PRKG1: variants seen among roughly 807,000 people sequenced by gnomAD.
The protein encoded by PRKG1 is cGMP-dependent protein kinase 1.
A neutral mutation model predicts 88.1 loss-of-function variants in PRKG1; 35 were observed. That is an observed-to-expected ratio of 0.40 (90% confidence interval 0.30 to 0.53). PRKG1 has a LOEUF of 0.53. PRKG1 is among the 20% of genes least tolerant of loss of function. The pLI, the probability that PRKG1 is intolerant of heterozygous loss-of-function variation, is 0.59. For synonymous variants in PRKG1, 303 were observed against 292.5 expected, an observed-to-expected ratio of 1.04 and a Z score of -0.37; for missense variants, 540 against 839.8, an observed-to-expected ratio of 0.64 and a Z score of 4.41.
At chr10:51,299,731 G>T in intron 2 of PRKG1, 1 of 395,812 alleles carries the variant, frequency 2.5e-6, no homozygotes, top group Non-Finnish European at 4.9e-6. Flanking sequence ...GTTTTTTCCT[G>T]GCCTCTCAAT....
chr10:51,457,303 A>T (rs759303218), intron 2 of PRKG1, among the ~76,000 whole-genome samples: 3 of 152,240 alleles, frequency 2.0e-5, no homozygotes, highest in Non-Finnish European at 4.4e-5. Context: ...GGAGACCATT[A>T]TTCTAAGTGA....
chr10:52,001,967 A>T (rs2133151103), intron 5 of PRKG1, among the ~76,000 whole-genome samples: 1 of 152,162 alleles, frequency 6.6e-6, no homozygotes, highest in East Asian at 1.9e-4. Flanking sequence ...GGAAAAAAGA[A>T]CAGCAACCAT....
intron 5 of PRKG1, among the ~76,000 whole-genome samples, chr10:51,918,047 C>G (rs1027096551): frequency 6.6e-6 from 1 of 152,162 alleles, no homozygotes; most frequent in Non-Finnish European, 1.5e-5. Context: ...AACTCTGTGC[C>G]AGGCTAAGGC....
Position 51,301,606 on chromosome 10 carries a change from A to T in PRKG1, c.478+148276A>T, listed in dbSNP as rs1383455145. Among the ~76,000 whole-genome samples, 7 of 152,334 alleles carry T rather than the reference A, an allele frequency of 4.6e-5. No homozygotes were observed. In the East Asian group the frequency reaches 1.2e-3, roughly 25 times the overall value. On this transcript the variant is annotated intron_variant, in intron 2 of 17. Transcript: ENST00000373980. ...CCATAGTAATCTATCCAAAAAAGAA[A>T]GACCAAAGGATTGGGAATAGGTCAG...
intron 3 of PRKG1, among the ~76,000 whole-genome samples, chr10:51,609,497 C>A (rs1293806134): frequency 5.3e-5 from 8 of 152,116 alleles, no homozygotes; most frequent in Non-Finnish European, 8.8e-5. Flanking sequence ...GGTATATACC[C>A]AAAGGAATAT....
Position 52,091,727 on chromosome 10 carries a change from T to C in PRKG1, c.935+29096T>C, listed in dbSNP as rs940185395. On this transcript the variant is annotated intron_variant, in intron 7 of 17. Transcript: ENST00000373980. ...TGTAGAGATTTAAATGTGAGAAAACTATATCAAAGCAGAAATGTTCTAAAG... is the reference window on the plus strand; with the variant it reads ...TGTAGAGATTTAAATGTGAGAAAACCATATCAAAGCAGAAATGTTCTAAAG... 2.6e-5 allele frequency among the ~76,000 whole-genome samples: 4 copies of C among 152,318 alleles called. No homozygotes were observed. In the East Asian group the frequency reaches 7.7e-4, roughly 29 times the overall value.
chr10:51,016,099 C>G (rs140322216), intron 1 of PRKG1, among the ~76,000 whole-genome samples: 1 of 152,144 alleles, frequency 6.6e-6, no homozygotes, highest in Non-Finnish European at 1.5e-5. Flanking sequence ...CCTTCTAGAA[C>G]GCAGTTTCAG....
At chr10:52,090,029 G>T (rs1201576928) in intron 7 of PRKG1, among the ~76,000 whole-genome samples, 1 of 151,762 alleles carries the variant, frequency 6.6e-6, no homozygotes, top group African/African-American at 2.4e-5. Flanking sequence ...TGGCCAGGAT[G>T]GTCTCGATCT....
intron 5 of PRKG1, among the ~76,000 whole-genome samples, chr10:52,028,311 G>T (rs546583185): frequency 6.6e-6 from 1 of 152,186 alleles, no homozygotes; most frequent in African/African-American, 2.4e-5. Flanking sequence ...ATCACTGCAC[G>T]CATTTTGAGG....
intron 2 of PRKG1, among the ~76,000 whole-genome samples, chr10:51,162,049 C>T (rs948666326): frequency 1.2e-4 from 18 of 152,300 alleles, no homozygotes; most frequent in Non-Finnish European, 2.5e-4. Context: ...TCTTCAGGGA[C>T]TTTAACATGA....
rs182987920 is a variant in PRKG1 at position 51,447,413 on chromosome 10, T to A, written c.479-20310T>A. ...AAGAACTATTAGCAAGATTTAGCAT[T>A]CTTGCGAGTTTAGCTCTGACCAGTC... is the stretch of plus-strand genomic sequence containing the variant. On this transcript the variant is annotated intron_variant, in intron 2 of 17. Transcript: ENST00000373980. 1.7e-3 allele frequency among the ~76,000 whole-genome samples: 260 copies of A among 152,154 alleles called. 1 individual carries two copies. Among genetic ancestry groups the A allele is most frequent in the African/African-American group, 5.9e-3 (247 of 41,530 alleles).
chr10:51,382,037 C>T (rs762982780), intron 2 of PRKG1, among the ~76,000 whole-genome samples: 7 of 151,902 alleles, frequency 4.6e-5, no homozygotes, highest in Non-Finnish European at 1.0e-4. Context: ...TTTTTTTCTC[C>T]CCCGAATGTT....
In PRKG1 at chr10:51,858,264, TATA is replaced by T. The variant is rs1488713473; in HGVS notation, c.699-49239_699-49237del. 9.0e-4 allele frequency among the ~76,000 whole-genome samples: 15 copies of T among 16,658 alleles called. 5 individuals are homozygous for T. Among genetic ancestry groups the T allele is most frequent in the Admixed American group, 2.4e-3 (3 of 1,232 alleles). 10.9% of individuals were successfully genotyped at this position (16,658 alleles called of 152,430 possible). A position where few individuals can be genotyped will look rare whatever the true frequency, so the allele number is the denominator to read the frequency against. On this transcript the variant is annotated intron_variant, in intron 4 of 17. Transcript: ENST00000373980. ...ATATATAATACATATTATACATATA[TATA>T]ATATTATACATATGTATAATTATAC...
intron 3 of PRKG1, among the ~76,000 whole-genome samples, chr10:51,503,290 T>A (rs1221458316): frequency 6.6e-6 from 1 of 152,130 alleles, no homozygotes; most frequent in Non-Finnish European, 1.5e-5. Flanking sequence ...ACAAAGAAGA[T>A]GAAGGAAACA....
At chr10:51,293,201 TTTC>T (rs1275829366) in intron 2 of PRKG1, among the ~76,000 whole-genome samples, 4 of 111,362 alleles carry the variant, frequency 3.6e-5, no homozygotes, top group African/African-American at 1.6e-4. Flanking sequence ...CCATTTTTTC[TTTC>T]TTTTTTGTAT....
At chr10:51,208,547 G>A (rs1210504538) in intron 2 of PRKG1, among the ~76,000 whole-genome samples, 1 of 152,128 alleles carries the variant, frequency 6.6e-6, no homozygotes, top group Non-Finnish European at 1.5e-5. Flanking sequence ...AAGGGTTAGG[G>A]GAGTTCAGAA....
intron 9 of PRKG1, among the ~76,000 whole-genome samples, chr10:52,185,612 T>C (rs1839178090): frequency 6.6e-6 from 1 of 152,170 alleles, no homozygotes; most frequent in African/African-American, 2.4e-5. Flanking sequence ...ACCTGATATT[T>C]ACCCTCTGTA....
chr10:51,631,669 A>C (rs1262002375), intron 3 of PRKG1, among the ~76,000 whole-genome samples: 1 of 152,224 alleles, frequency 6.6e-6, no homozygotes, highest in Non-Finnish European at 1.5e-5. Context: ...CAGGCATTAG[A>C]TTCTCATAAG....
intron 2 of PRKG1, among the ~76,000 whole-genome samples, chr10:51,218,263 G>A (rs766610791): frequency 4.0e-5 from 6 of 151,770 alleles, no homozygotes; most frequent in South Asian, 2.1e-4. Context: ...TAACAAAAAC[G>A]TTGCTCTAAG....
Sources: gnomAD v4.1 joint callset for allele counts (sites outside exome capture counted in the v4.1 genomes callset) on GRCh38, gnomAD v4.1.1 for gene constraint, MANE v1.5 for transcripts, NCBI Gene and HGNC (gene_info 2026-07-23, HGNC 2026-07-21) for gene names.